ZBTB20: variants seen among roughly 807,000 people sequenced by gnomAD.
ZBTB20 encodes the protein zinc finger and BTB domain containing 20.
In ZBTB20, 9 loss-of-function variants were observed where a neutral mutation model predicts 56.9. The observed-to-expected ratio is 0.16, with a 90% confidence interval of 0.10 to 0.28. The LOEUF is 0.28. Among genes scored for constraint, ZBTB20 ranks in the 10% least tolerant of loss-of-function variants. The probability of loss-of-function intolerance (pLI) is 1.00; values close to 1 mark genes in which losing one functional copy is unlikely to be tolerated. For synonymous variants in ZBTB20, 417 were observed against 420.7 expected, an observed-to-expected ratio of 0.99 and a Z score of 0.11; for missense variants, 655 against 1,003.0, an observed-to-expected ratio of 0.65 and a Z score of 4.69.
intron 6 of ZBTB20, among the ~76,000 whole-genome samples, chr3:114,638,801 T>G (rs970161798): frequency 6.6e-6 from 1 of 152,108 alleles, no homozygotes; most frequent in Non-Finnish European, 1.5e-5. Context: ...AAGCAAATTT[T>G]TAAATATTTT....
chr3:114,778,985 C>T (rs932982159), intron 5 of ZBTB20, among the ~76,000 whole-genome samples: 3 of 152,126 alleles, frequency 2.0e-5, no homozygotes, highest in African/African-American at 7.2e-5. Context: ...ATAGTTATCC[C>T]TATACACCTT....
chr3:114,370,388 T>C (rs537506040), intron 10 of ZBTB20, among the ~76,000 whole-genome samples: 1 of 152,336 alleles, frequency 6.6e-6, no homozygotes, highest in South Asian at 2.1e-4. Context: ...GATTCTGTTT[T>C]CTTGACAACA....
At chr3:114,975,010 T>C (rs1033994487) in intron 2 of ZBTB20, among the ~76,000 whole-genome samples, 1 of 152,154 alleles carries the variant, frequency 6.6e-6, no homozygotes, top group Non-Finnish European at 1.5e-5. Flanking sequence ...CATTAAAACA[T>C]GGCTTAATAT....
intron 2 of ZBTB20, among the ~76,000 whole-genome samples, chr3:115,012,169 C>A (rs1379795691): frequency 6.6e-6 from 1 of 151,606 alleles, no homozygotes; most frequent in Non-Finnish European, 1.5e-5. Context: ...GACCACAAAA[C>A]AACCAGGAAA....
At chr3:114,501,575 C>T (rs2043968779) in intron 6 of ZBTB20, among the ~76,000 whole-genome samples, 2 of 140,884 alleles carry the variant, frequency 1.4e-5, no homozygotes, top group Admixed American at 7.2e-5. Flanking sequence ...GCAGTGAGCC[C>T]ACATCACGCC....
intron 3 of ZBTB20, among the ~76,000 whole-genome samples, chr3:114,916,268 C>A (rs544478582): frequency 4.5e-4 from 68 of 151,962 alleles, no homozygotes; most frequent in Non-Finnish European, 9.1e-4. Flanking sequence ...GTTGTTATAT[C>A]CTCTTGCTAA....
At chr3:114,813,323 CAGA>C (rs1288620339) in intron 4 of ZBTB20, among the ~76,000 whole-genome samples, 12 of 152,104 alleles carry the variant, frequency 7.9e-5, no homozygotes, top group Non-Finnish European at 1.6e-4. Flanking sequence ...AATATTTAAA[CAGA>C]TTTCTGTTCC....
At chr3:114,998,218 G>C (rs2079104184) in intron 2 of ZBTB20, among the ~76,000 whole-genome samples, 1 of 151,620 alleles carries the variant, frequency 6.6e-6, no homozygotes, top group African/African-American at 2.4e-5. Context: ...AGTTGACCTA[G>C]TACAATAAAA....
intron 6 of ZBTB20, among the ~76,000 whole-genome samples, chr3:114,641,810 G>GT (rs2059577084): frequency 6.6e-6 from 1 of 151,654 alleles, no homozygotes; most frequent in African/African-American, 2.4e-5. Context: ...GGTGTCTTTA[G>GT]TTTTTTATTT....
At position 114,324,707 on chromosome 3, in the gene ZBTB20, A is replaced by G. The variant is rs188781230; in HGVS notation, c.*14298T>C. ...TCTTCTTGTGTTATTCCATAAGAAG[A>G]AAAAACATTCATAGTAGGATTTCTT... is the stretch of plus-strand genomic sequence containing the variant. On this transcript the variant is annotated 3_prime_UTR_variant, in exon 12 of 12. Transcript: ENST00000675478. 3.3e-4 allele frequency: 51 copies of G among 152,356 alleles called. No individual in the cohort carries two copies. In the East Asian group the frequency reaches 9.8e-3, roughly 29 times the overall value. The allele number at this position is 152,356 out of a possible 1,614,324, so 9.4% of individuals were successfully genotyped here.
intron 7 of ZBTB20, among the ~76,000 whole-genome samples, chr3:114,420,106 C>A (rs905090072): frequency 2.0e-5 from 3 of 152,136 alleles, no homozygotes; most frequent in Admixed American, 6.5e-5. Context: ...TGAAAACTCT[C>A]ATTACCTGAG....
intron 3 of ZBTB20, among the ~76,000 whole-genome samples, chr3:114,958,606 G>C (rs765028226): frequency 2.0e-4 from 30 of 152,218 alleles, no homozygotes; most frequent in Admixed American, 8.5e-4. Flanking sequence ...CCAGCACTTT[G>C]GGAGGCCAAG....
intron 6 of ZBTB20, among the ~76,000 whole-genome samples, chr3:114,579,151 A>T (rs1275440312): frequency 1.3e-5 from 2 of 151,846 alleles, no homozygotes; most frequent in Non-Finnish European, 3.0e-5. Flanking sequence ...CAGATAAACC[A>T]CCTACAGATT....
rs978833241 is a variant in ZBTB20 at position 114,328,922 on chromosome 3, T to A, written c.*10083A>T. On this transcript the variant is annotated 3_prime_UTR_variant, in exon 12 of 12. Coordinates refer to ENST00000675478, the MANE Select transcript of ZBTB20 (RefSeq NM_001348800.3). ...AAAGAGGGAAATAATGAAGTTGATA[T>A]AATTTGGATATTATGTGATCATTAG... is the stretch of plus-strand genomic sequence containing the variant. The A allele has an allele frequency of 6.6e-6, 1 of 152,174 alleles. No homozygotes were observed. The highest frequency in any genetic ancestry group is 2.4e-5 in the African/African-American group (1 of 41,448). The allele number at this position is 152,174 out of a possible 1,614,324, so 9.4% of individuals were successfully genotyped here.
At chr3:114,988,967 ATTTG>A (rs1271233151) in intron 2 of ZBTB20, among the ~76,000 whole-genome samples, 1 of 152,044 alleles carries the variant, frequency 6.6e-6, no homozygotes, top group African/African-American at 2.4e-5. Context: ...CTTCTTGTAA[ATTTG>A]TTTGAGTTCT....
At chr3:114,885,252 G>A (rs749746660) in intron 4 of ZBTB20, among the ~76,000 whole-genome samples, 1 of 152,178 alleles carries the variant, frequency 6.6e-6, no homozygotes, top group East Asian at 1.9e-4. Context: ...ACAACTCTGT[G>A]TAACCTGTAA....
chr3:115,085,211 C>T (rs2082940592), intron 1 of ZBTB20, among the ~76,000 whole-genome samples: 1 of 151,956 alleles, frequency 6.6e-6, no homozygotes, highest in African/African-American at 2.4e-5. Flanking sequence ...TCAAGCTCTT[C>T]CTTAAATCAA....
intron 10 of ZBTB20, among the ~76,000 whole-genome samples, chr3:114,352,923 C>G (rs2080829839): frequency 6.6e-6 from 1 of 152,192 alleles, no homozygotes; most frequent in Admixed American, 6.5e-5. Context: ...AGGAGGAAGG[C>G]AACAGCTATG....
At chr3:114,756,097 T>C (rs1268030378) in intron 5 of ZBTB20, among the ~76,000 whole-genome samples, 1 of 152,178 alleles carries the variant, frequency 6.6e-6, no homozygotes, top group Non-Finnish European at 1.5e-5. Flanking sequence ...TGTATTTATG[T>C]TTATTTTTTC....
Sources: allele counts gnomAD v4.1 joint callset (sites outside exome capture counted in the v4.1 genomes callset), GRCh38; gene constraint gnomAD v4.1.1; transcripts MANE v1.5; gene names NCBI Gene and HGNC (gene_info 2026-07-23, HGNC 2026-07-21).